Variants in ZCCHC17 observed in about 807,000 individuals in gnomAD.
ZCCHC17 encodes the protein zinc finger CCHC-type containing 17, also known as zinc finger CCHC domain-containing protein 17.
A neutral mutation model predicts 30.6 loss-of-function variants in ZCCHC17; 18 were observed. That is an observed-to-expected ratio of 0.59 (90% CI 0.41 to 0.87). The LOEUF (loss-of-function observed/expected upper bound fraction) is 0.87, where lower values mean the gene tolerates loss of function less well. ZCCHC17 is among the 40% of genes least tolerant of loss of function. The pLI is 0.00. For synonymous variants in ZCCHC17, 88 were observed against 92.4 expected, an observed-to-expected ratio of 0.95 and a Z score of 0.27; for missense variants, 263 against 284.2, an observed-to-expected ratio of 0.93 and a Z score of 0.54.
intron 1 of ZCCHC17, among the ~76,000 whole-genome samples, chr1:31,301,099 G>C (rs555002338): frequency 6.6e-6 from 1 of 152,244 alleles, no homozygotes; most frequent in South Asian, 2.1e-4. Flanking sequence ...TTGAAAGCAG[G>C]TTTATAAAGT....
At chr1:31,340,757 C>G (rs571047311) in intron 5 of ZCCHC17, among the ~76,000 whole-genome samples, 91 of 152,198 alleles carry the variant, frequency 6.0e-4, no homozygotes, top group African/African-American at 1.6e-3. Flanking sequence ...ATTAGGTACG[C>G]TCAATGACAA....
chr1:31,323,959 C>T (rs1350092929), intron 3 of ZCCHC17, among the ~76,000 whole-genome samples: 1 of 137,884 alleles, frequency 7.3e-6, no homozygotes, highest in African/African-American at 2.6e-5. Flanking sequence ...GTAGACTATG[C>T]AGATGATTGA....
At chr1:31,363,341 G>A (rs887293675) in intron 7 of ZCCHC17, among the ~76,000 whole-genome samples, 8 of 151,928 alleles carry the variant, frequency 5.3e-5, no homozygotes, top group Admixed American at 3.3e-4. Flanking sequence ...CTGCCACCAC[G>A]CCTGGCTAAT....
intron 3 of ZCCHC17, among the ~76,000 whole-genome samples, chr1:31,324,205 G>A (rs887597688): frequency 2.0e-5 from 3 of 152,234 alleles, no homozygotes; most frequent in Non-Finnish European, 4.4e-5. Flanking sequence ...AGGAGTGGTG[G>A]CATGCACCTG....
intron 7 of ZCCHC17, among the ~76,000 whole-genome samples, chr1:31,350,459 G>T (rs1639431669): frequency 6.6e-6 from 1 of 151,928 alleles, no homozygotes. Context: ...TATCCCTCCT[G>T]AGACTTTAGC....
chr1:31,337,128 A>G (rs778086505), intron 3 of ZCCHC17, 47 bp from the exon 4 acceptor site: 1 of 1,546,352 alleles, frequency 6.5e-7, no homozygotes, highest in Non-Finnish European at 8.9e-7. Flanking sequence ...GAGTATAAAT[A>G]CCAGATATGC....
chr1:31,335,590 C>A (rs1422073515), intron 3 of ZCCHC17, among the ~76,000 whole-genome samples: 2 of 152,128 alleles, frequency 1.3e-5, no homozygotes, highest in African/African-American at 4.8e-5. Context: ...ATTGCCCAGG[C>A]TAGTCTTGAA....
At chr1:31,361,915 G>A (rs1557464508) in intron 7 of ZCCHC17, among the ~76,000 whole-genome samples, 1 of 152,042 alleles carries the variant, frequency 6.6e-6, no homozygotes. Context: ...GGGCTCAAGC[G>A]ATCCTCCCAC....
chr1:31,350,758 C>T (rs1639439912), intron 7 of ZCCHC17, among the ~76,000 whole-genome samples: 1 of 152,086 alleles, frequency 6.6e-6, no homozygotes, highest in African/African-American at 2.4e-5. Context: ...AGCCACCATG[C>T]CCGGCTAATT....
Position 31,331,675 on chromosome 1 carries a change from G to A in ZCCHC17, c.125-5500G>A, listed in dbSNP as rs531826462. 1.1e-4 allele frequency among the ~76,000 whole-genome samples: 17 copies of A among 151,470 alleles called. 1 individual carries two copies. The highest frequency in any genetic ancestry group is 4.2e-4 in the South Asian group (2 of 4,792). ...TTGCCGGGCTGGAATGCAATGGCTC[G>A]ATCTCGGGTCACTGCAACCTCTGCC... On this transcript the variant is annotated intron_variant, in intron 3 of 7. Transcript: ENST00000344147.
chr1:31,338,823 G>T, intron 4 of ZCCHC17, 134 bp from the exon 5 acceptor site: 1 of 576,234 alleles, frequency 1.7e-6, no homozygotes. Flanking sequence ...ATTTGTATCT[G>T]CAATGTTCCT....
intron 5 of ZCCHC17, among the ~76,000 whole-genome samples, chr1:31,341,835 TGGTA>T (rs1355577116): frequency 3.3e-5 from 5 of 152,254 alleles, no homozygotes; most frequent in Non-Finnish European, 5.9e-5. Context: ...GTCTAGTCTA[TGGTA>T]GACATACATG....
Position 31,310,132 on chromosome 1 carries a change from T to A in ZCCHC17, c.34T>A (p.Leu12Met). 6.2e-7 allele frequency: 1 copy of A among 1,614,146 alleles called. No homozygotes were observed. Among genetic ancestry groups the A allele is most frequent in the South Asian group, 1.1e-5 (1 of 91,078 alleles). Residue 12 changes from leucine to methionine, a missense_variant, in exon 2 of 8, where the codon TTG becomes ATG. Leu to Met is a conservative substitution (Grantham distance 15). Transcript: ENST00000344147. ...NSGRPETMENLPALYTIFQGE... is the reference protein window; with the variant it reads ...NSGRPETMENMPALYTIFQGE... ...AGGAAGGCCTGAGACCATGGAAAAC[T>A]TGCCTGCTCTCTACACTATTTTCCA...
At chr1:31,341,137 G>A (rs956628180) in intron 5 of ZCCHC17, among the ~76,000 whole-genome samples, 1 of 152,150 alleles carries the variant, frequency 6.6e-6, no homozygotes, top group Non-Finnish European at 1.5e-5. Flanking sequence ...ACCACAAAAT[G>A]CTTCTCACTC....
chr1:31,339,960 CTTTTT>C (rs36008834), intron 5 of ZCCHC17, among the ~76,000 whole-genome samples: 5 of 90,402 alleles, frequency 5.5e-5, no homozygotes, highest in East Asian at 4.0e-4. Context: ...TCTTGGATTT[CTTTTT>C]TTTTTTTTTT....
At chr1:31,325,517 G>A (rs1638303367) in intron 3 of ZCCHC17, among the ~76,000 whole-genome samples, 1 of 152,224 alleles carries the variant, frequency 6.6e-6, no homozygotes, top group African/African-American at 2.4e-5. Flanking sequence ...CTCACATGGA[G>A]CTGGTGCCTG....
At chr1:31,336,231 C>G (rs1487138879) in intron 3 of ZCCHC17, among the ~76,000 whole-genome samples, 1 of 152,064 alleles carries the variant, frequency 6.6e-6, no homozygotes, top group Non-Finnish European at 1.5e-5. Context: ...CACCACCACG[C>G]CCAGGTAATT....
At chr1:31,305,439 C>T (rs1372374470) in intron 1 of ZCCHC17, among the ~76,000 whole-genome samples, 8 of 151,956 alleles carry the variant, frequency 5.3e-5, no homozygotes, top group East Asian at 1.9e-4. Context: ...GCCACTATGC[C>T]GAGCTAATTT....
At chr1:31,345,471 T>G (rs1639211911) in intron 5 of ZCCHC17, among the ~76,000 whole-genome samples, 1 of 107,310 alleles carries the variant, frequency 9.3e-6, no homozygotes, top group African/African-American at 3.4e-5. Flanking sequence ...GTTCTGTTTT[T>G]TGATCTGAGT....
Sources: allele counts gnomAD v4.1 joint callset (sites outside exome capture counted in the v4.1 genomes callset), GRCh38; gene constraint gnomAD v4.1.1; transcripts MANE v1.5; gene names NCBI Gene and HGNC (gene_info 2026-07-23, HGNC 2026-07-21).